The following KCNH7 variants were observed in gnomAD, a reference collection of about 807,000 sequenced individuals.
KCNH7 encodes potassium voltage-gated channel subfamily H member 7.
In KCNH7, 49 loss-of-function variants were observed where a neutral mutation model predicts 120.8. The observed-to-expected ratio is 0.41, with a 90% CI of 0.32 to 0.51. KCNH7 has a LOEUF of 0.51. Ranked by LOEUF, KCNH7 falls within the 20% of genes least tolerant of loss-of-function variation. The pLI is 0.38. For missense variants in KCNH7, 1,097 were observed against 1,446.6 expected (o/e 0.76, Z 3.92); for synonymous variants, 547 against 516.1 (o/e 1.06, Z -0.81).
At chr2:162,437,225 G>T (rs928908170) in intron 7 of KCNH7, among the ~76,000 whole-genome samples, 20 of 152,062 alleles carry the variant, frequency 1.3e-4, no homozygotes, top group African/African-American at 4.6e-4. Flanking sequence ...ATTATTCTCT[G>T]TTAGTATTGG....
In KCNH7 at chr2:162,820,403, A is replaced by G. The variant is rs890571388; in HGVS notation, c.307+16134T>C. Among the ~76,000 whole-genome samples the G allele has an allele frequency of 4.6e-5, 7 of 152,178 alleles. No homozygotes were observed. The East Asian group carries it at 1.4e-3, about 29-fold the overall frequency. The stretch of plus-strand genomic sequence containing the variant: ...TTCCATAAACTTTCACTGAACAAAT[A>G]CAAAATGAAGGGTACACCATAAGTC... On this transcript the variant is annotated intron_variant, in intron 2 of 15. Transcript: ENST00000332142.
At chr2:162,524,223 G>T (rs1334461793) in intron 3 of KCNH7, among the ~76,000 whole-genome samples, 6 of 152,006 alleles carry the variant, frequency 3.9e-5, no homozygotes, top group Non-Finnish European at 1.5e-5. Context: ...AGTCCTCCTG[G>T]AGCTCAAATG....
rs1447889655 is a variant in KCNH7, at chr2:162,740,337, A to G, written c.307+96200T>C. Among the ~76,000 whole-genome samples, 5 of 152,194 alleles carry G rather than the reference A, an allele frequency of 3.3e-5. No homozygotes were observed. The East Asian group carries it at 9.6e-4, about 29-fold the overall frequency. On this transcript the variant is annotated intron_variant, in intron 2 of 15. Coordinates refer to ENST00000332142, the MANE Select transcript of KCNH7 (RefSeq NM_033272.4). The stretch of plus-strand genomic sequence containing the variant: ...GCATTAGGCAGCTAATAAAGCAGGT[A>G]TTGTCTAGGAGTTAGGAAGCATTGT...
chr2:162,820,255 T>TGTGTGTGTGTGTGTGTG (rs1685070547), intron 2 of KCNH7, among the ~76,000 whole-genome samples: 3 of 19,706 alleles, frequency 1.5e-4, no homozygotes, highest in Non-Finnish European at 3.3e-4. Flanking sequence ...GTGTGTGTGT[T>TGTGTGTGTGTGTGTGTG]TAGTAGAGAC....
intron 2 of KCNH7, among the ~76,000 whole-genome samples, chr2:162,584,546 C>T (rs560990054): frequency 5.3e-5 from 8 of 152,170 alleles, no homozygotes; most frequent in Non-Finnish European, 1.0e-4. Flanking sequence ...AAACAGGGAA[C>T]ATTGACGGTG....
chr2:162,608,833 C>T (rs1682867149), intron 2 of KCNH7, among the ~76,000 whole-genome samples: 1 of 152,176 alleles, frequency 6.6e-6, no homozygotes, highest in Non-Finnish European at 1.5e-5. Flanking sequence ...ATCACTTGAA[C>T]TGTACATTAC....
At chr2:162,603,656 T>A (rs1694633383) in intron 2 of KCNH7, among the ~76,000 whole-genome samples, 1 of 152,002 alleles carries the variant, frequency 6.6e-6, no homozygotes, top group African/African-American at 2.4e-5. Flanking sequence ...CCCAAAGAAC[T>A]GGACATAAAA....
intron 2 of KCNH7, among the ~76,000 whole-genome samples, chr2:162,674,117 A>G (rs921268483): frequency 6.6e-6 from 1 of 152,062 alleles, no homozygotes; most frequent in Admixed American, 6.6e-5. Flanking sequence ...ACACATTTAT[A>G]TACAAGGAAG....
At chr2:162,757,447 T>C (rs1210017522) in intron 2 of KCNH7, among the ~76,000 whole-genome samples, 1 of 152,122 alleles carries the variant, frequency 6.6e-6, no homozygotes, top group Non-Finnish European at 1.5e-5. Context: ...TGAAATAATA[T>C]AGCTTTTTTT....
rs200037676 is a variant in KCNH7 at position 162,387,121 on chromosome 2, GA to G, written c.2711-2183del. ...CTTGAATTTTCCCCATTGGTAAGGA[GA>G]AAAAAAAACCCACCTTTATTTCTGT... On this transcript the variant is annotated intron_variant, in intron 12 of 15. Coordinates refer to ENST00000332142, the MANE Select transcript of KCNH7 (RefSeq NM_033272.4). Among the ~76,000 whole-genome samples, 30 of 148,090 alleles carry G rather than the reference GA, an allele frequency of 2.0e-4. 1 individual carries two copies. The highest frequency in any genetic ancestry group is 6.7e-4 in the African/African-American group (27 of 40,382).
chr2:162,640,454 C>T (rs1247271312), intron 2 of KCNH7, among the ~76,000 whole-genome samples: 2 of 151,792 alleles, frequency 1.3e-5, no homozygotes, highest in African/African-American at 2.4e-5. Flanking sequence ...AAGAAGGATA[C>T]CTTTTTCACC....
At chr2:162,562,630 C>T (rs1043954632) in intron 2 of KCNH7, among the ~76,000 whole-genome samples, 1 of 152,186 alleles carries the variant, frequency 6.6e-6, no homozygotes, top group Non-Finnish European at 1.5e-5. Flanking sequence ...GGGTCCTGCT[C>T]ACTTGGACCT....
chr2:162,649,217 G>T (rs1375611642), intron 2 of KCNH7, among the ~76,000 whole-genome samples: 1 of 152,142 alleles, frequency 6.6e-6, no homozygotes, highest in African/African-American at 2.4e-5. Flanking sequence ...TGTTATGCAT[G>T]AATGGATTTT....
chr2:162,505,571 G>A (rs1690845085), intron 5 of KCNH7, among the ~76,000 whole-genome samples: 4 of 151,828 alleles, frequency 2.6e-5, no homozygotes, highest in Admixed American at 1.3e-4. Context: ...TCTTCCTTTG[G>A]GATGAATCTG....
intron 2 of KCNH7, among the ~76,000 whole-genome samples, chr2:162,553,863 AT>A (rs1473942812): frequency 6.6e-6 from 1 of 152,206 alleles, no homozygotes; most frequent in Non-Finnish European, 1.5e-5. Context: ...CAGGTCAAAC[AT>A]TCTTAGGTAG....
At chr2:162,375,890 C>G (rs1686150918) in intron 14 of KCNH7, among the ~76,000 whole-genome samples, 1 of 144,032 alleles carries the variant, frequency 6.9e-6, no homozygotes, top group Non-Finnish European at 1.5e-5. Context: ...GAGCCAGACC[C>G]TATCTAAAAA....
intron 6 of KCNH7, among the ~76,000 whole-genome samples, chr2:162,475,882 T>C (rs1347982692): frequency 1.3e-5 from 2 of 152,140 alleles, no homozygotes; most frequent in Non-Finnish European, 2.9e-5. Context: ...AAATTTCCCA[T>C]GGGGGACAAA....
chr2:162,605,084 T>C (rs566288776), intron 2 of KCNH7, among the ~76,000 whole-genome samples: 1 of 152,200 alleles, frequency 6.6e-6, no homozygotes, highest in East Asian at 1.9e-4. Flanking sequence ...TGATAGACAA[T>C]CATTTTTCTC....
intron 12 of KCNH7, among the ~76,000 whole-genome samples, 178 bp downstream of exon 12, chr2:162,394,211 G>A (rs1327982280): frequency 6.6e-6 from 1 of 151,956 alleles, no homozygotes; most frequent in East Asian, 1.9e-4. Context: ...TGATATCATT[G>A]AGAGCTATCA....
Sources: gnomAD v4.1 joint callset for allele counts (sites outside exome capture counted in the v4.1 genomes callset) on GRCh38, gnomAD v4.1.1 for gene constraint, MANE v1.5 for transcripts, NCBI Gene and HGNC (gene_info 2026-07-23, HGNC 2026-07-21) for gene names.